The following PDE4D variants were observed in gnomAD, a reference collection of about 807,000 sequenced individuals.
The protein encoded by PDE4D is 3',5'-cyclic-AMP phosphodiesterase 4D.
In PDE4D, 24 loss-of-function variants were observed where a neutral mutation model predicts 87.4. The observed-to-expected ratio is 0.27, with a 90% CI of 0.20 to 0.39. The LOEUF is 0.39. PDE4D is among the 10% of genes least tolerant of loss of function. The probability of loss-of-function intolerance (pLI) is 1.00; values close to 1 mark genes in which losing one functional copy is unlikely to be tolerated. For synonymous variants in PDE4D, 384 were observed against 383.2 expected, an observed-to-expected ratio of 1.00 and a Z score of -0.02; for missense variants, 714 against 1,041.0, an observed-to-expected ratio of 0.69 and a Z score of 4.32.
intron 1 of PDE4D, among the ~76,000 whole-genome samples, chr5:59,743,667 A>G (rs1363495882): frequency 6.6e-6 from 1 of 152,182 alleles, no homozygotes; most frequent in East Asian, 1.9e-4. Flanking sequence ...ACACTTAGAT[A>G]TATATCCCAA....
At chr5:59,585,086 A>G (rs566837160) in intron 1 of PDE4D, among the ~76,000 whole-genome samples, 17 of 152,284 alleles carry the variant, frequency 1.1e-4, no homozygotes, top group African/African-American at 3.8e-4. Context: ...CGAGGTTTGC[A>G]GGCATGTCAC....
chr5:59,942,266 G>A (rs1757267813), intron 3 of PDE4D, among the ~76,000 whole-genome samples: 1 of 152,172 alleles, frequency 6.6e-6, no homozygotes, highest in South Asian at 2.1e-4. Flanking sequence ...TGGGGAGTGG[G>A]TTAAAGGAAG....
intron 2 of PDE4D, among the ~76,000 whole-genome samples, chr5:60,091,676 T>C (rs983387730): frequency 3.2e-4 from 48 of 152,316 alleles, no homozygotes; most frequent in Middle Eastern, 3.4e-3. Context: ...AAAAGATATC[T>C]GCACTCCCAT....
chr5:59,453,363 C>T (rs1278393811), intron 1 of PDE4D, among the ~76,000 whole-genome samples: 1 of 152,158 alleles, frequency 6.6e-6, no homozygotes, highest in Non-Finnish European at 1.5e-5. Context: ...ACATCTCTTA[C>T]TTTAAATAAA....
intron 1 of PDE4D, among the ~76,000 whole-genome samples, chr5:59,286,263 T>C (rs925679075): frequency 6.6e-6 from 1 of 152,210 alleles, no homozygotes. Context: ...ATGTTCCACA[T>C]GTTCTCTCAT....
intron 2 of PDE4D, among the ~76,000 whole-genome samples, chr5:60,097,288 T>TGTGTGTGTGTGTGTGTGTGTGTG (rs1562088754): frequency 1.1e-4 from 17 of 151,678 alleles, no homozygotes; most frequent in South Asian, 2.1e-4. Flanking sequence ...TGTGTGTGTG[T>TGTGTGTGTGTGTGTGTGTGTGTG]TTAACAAATA....
intron 5 of PDE4D, among the ~76,000 whole-genome samples, chr5:59,090,372 G>A (rs1183915725): frequency 6.6e-6 from 1 of 152,080 alleles, no homozygotes; most frequent in Non-Finnish European, 1.5e-5. Context: ...TCGCAGCTTT[G>A]TGCCTTGTCG....
chr5:59,074,979 C>G (rs983855437), intron 5 of PDE4D, among the ~76,000 whole-genome samples: 1 of 151,586 alleles, frequency 6.6e-6, no homozygotes, highest in African/African-American at 2.4e-5. Context: ...ATAATAAGAG[C>G]TGATCAGAAG....
intron 1 of PDE4D, among the ~76,000 whole-genome samples, chr5:59,368,301 C>T (rs1783401560): frequency 6.6e-6 from 1 of 152,158 alleles, no homozygotes; most frequent in Non-Finnish European, 1.5e-5. Context: ...GCTGTTTCTC[C>T]ATTCGGTAAA....
intron 1 of PDE4D, among the ~76,000 whole-genome samples, chr5:59,247,548 A>C (rs748207203): frequency 3.9e-5 from 6 of 152,132 alleles, no homozygotes; most frequent in Non-Finnish European, 7.4e-5. Context: ...ACAATTGTTT[A>C]CTGGTGAACT....
At chr5:59,943,258 C>A (rs1287799515) in intron 3 of PDE4D, among the ~76,000 whole-genome samples, 1 of 151,464 alleles carries the variant, frequency 6.6e-6, no homozygotes, top group Non-Finnish European at 1.5e-5. Context: ...GTGATTAGTC[C>A]CAGGTGAAGA....
chr5:59,495,907 C>A (rs988018224), intron 1 of PDE4D, among the ~76,000 whole-genome samples: 2 of 152,128 alleles, frequency 1.3e-5, no homozygotes, highest in South Asian at 2.1e-4. Context: ...CATGTGCTAC[C>A]ATGGGCTCTT....
At chr5:59,039,996 C>G (rs956418535) in intron 5 of PDE4D, 2 of 152,570 alleles carry the variant, frequency 1.3e-5, no homozygotes, top group Non-Finnish European at 2.9e-5. Context: ...GAGCCACTGC[C>G]CTCCAGGTTG....
At chr5:59,592,890 C>T (rs538168898) in intron 1 of PDE4D, among the ~76,000 whole-genome samples, 67 of 152,056 alleles carry the variant, frequency 4.4e-4, no homozygotes, top group African/African-American at 1.4e-3. Context: ...TTTTGACCAA[C>T]GCATGAAACC....
chr5:59,419,822 A>G (rs541670510), intron 1 of PDE4D, among the ~76,000 whole-genome samples: 50 of 152,330 alleles, frequency 3.3e-4, no homozygotes, highest in Non-Finnish European at 6.3e-4. Context: ...CAGTGGAGTC[A>G]TCTCTTAGAT....
chr5:59,316,105 C>G lies in PDE4D; in HGVS notation c.456-100137G>C, dbSNP rs1479157300. ...AAGACAAAAACTGAGGGCCGTAGAC[C>G]CTGCCTGGACTCACCTCCCGTAACA... On this transcript the variant is annotated intron_variant, in intron 1 of 14. Transcript: ENST00000340635. Among the ~76,000 whole-genome samples the G allele has an allele frequency of 2.0e-5, 3 of 152,018 alleles. No individual in the cohort carries two copies. The South Asian group carries it at 6.2e-4, about 32-fold the overall frequency.
intron 5 of PDE4D, among the ~76,000 whole-genome samples, chr5:59,163,199 G>A (rs1581139856): frequency 6.6e-6 from 1 of 151,482 alleles, no homozygotes; most frequent in African/African-American, 2.4e-5. Flanking sequence ...GCCTGCCTCG[G>A]CCACCCAAAG....
intron 1 of PDE4D, among the ~76,000 whole-genome samples, chr5:59,707,798 T>C (rs532622345): frequency 1.3e-5 from 2 of 152,284 alleles, no homozygotes; most frequent in South Asian, 4.1e-4. Flanking sequence ...CTCATTCCTT[T>C]TTATGGCTGC....
At chr5:59,560,404 A>C (rs2153691372) in intron 1 of PDE4D, among the ~76,000 whole-genome samples, 1 of 152,274 alleles carries the variant, frequency 6.6e-6, no homozygotes, top group African/African-American at 2.4e-5. Flanking sequence ...AAACCCATTC[A>C]TTCATTCACT....
Sources: gnomAD v4.1 joint callset for allele counts (sites outside exome capture counted in the v4.1 genomes callset) on GRCh38, gnomAD v4.1.1 for gene constraint, MANE v1.5 for transcripts, NCBI Gene and HGNC (gene_info 2026-07-23, HGNC 2026-07-21) for gene names.